The following PCGF5 variants were observed in gnomAD, a reference collection of about 807,000 sequenced individuals.
PCGF5 encodes the protein polycomb group ring finger 5, also known as polycomb group RING finger protein 5.
A neutral mutation model predicts 44.3 loss-of-function variants in PCGF5; 9 were observed. The observed-to-expected ratio is 0.20, with a 90% CI of 0.12 to 0.35. The LOEUF (loss-of-function observed/expected upper bound fraction) is 0.35, where lower values mean the gene tolerates loss of function less well. Ranked by LOEUF, PCGF5 falls within the 10% of genes least tolerant of loss-of-function variation. The pLI is 1.00. For missense variants in PCGF5, 146 were observed against 305.3 expected, an observed-to-expected ratio of 0.48 and a Z score of 3.89; for synonymous variants, 95 against 102.5, an observed-to-expected ratio of 0.93 and a Z score of 0.44.
At chr10:91,201,427 A>C (rs1442213979) in intron 1 of PCGF5, among the ~76,000 whole-genome samples, 1 of 152,194 alleles carries the variant, frequency 6.6e-6, no homozygotes, top group Non-Finnish European at 1.5e-5. Flanking sequence ...TTTGAAGATT[A>C]AGTTATCAGC....
rs1260167841 is a variant in PCGF5, at chr10:91,197,071, T to A, written c.-183-25618T>A. On this transcript the variant is annotated intron_variant, in intron 1 of 9. Coordinates refer to the PCGF5 transcript ENST00000614189. ...AGACGTGGACAAGTGAGCCAGTTAA[T>A]GGCATGTCCTGGTTGTCTAAAGCTG... is the stretch of plus-strand genomic sequence containing the variant. Among the ~76,000 whole-genome samples the A allele has an allele frequency of 2.0e-5, 3 of 152,246 alleles. No individual in the cohort carries two copies. In the East Asian group the frequency reaches 5.8e-4, roughly 29 times the overall value.
intron 1 of PCGF5, among the ~76,000 whole-genome samples, chr10:91,185,210 G>GT (rs1843898084): frequency 1.3e-5 from 2 of 152,246 alleles, no homozygotes; most frequent in South Asian, 4.1e-4. Context: ...AACACCAGTG[G>GT]GGTGGCTGGA....
intron 2 of PCGF5, 33 bp from the exon 3 acceptor site, chr10:91,240,451 T>A (rs1251116338): frequency 7.1e-7 from 1 of 1,399,552 alleles, no homozygotes; most frequent in South Asian, 1.2e-5. Context: ...GTTCATATGA[T>A]GCGTTTTAAC....
At chr10:91,171,318 G>T (rs1366011400) in intron 1 of PCGF5, among the ~76,000 whole-genome samples, 1 of 152,124 alleles carries the variant, frequency 6.6e-6, no homozygotes, top group Non-Finnish European at 1.5e-5. Flanking sequence ...AAATGGGTTG[G>T]TTTTTTTATA....
At chr10:91,273,881 T>C (rs1241754914) in intron 9 of PCGF5, among the ~76,000 whole-genome samples, 1 of 150,652 alleles carries the variant, frequency 6.6e-6, no homozygotes, top group East Asian at 1.9e-4. Context: ...TTTATACATA[T>C]ATACTCTAGG....
chr10:91,222,137 A>G (rs1030859746), intron 1 of PCGF5, among the ~76,000 whole-genome samples: 37 of 151,670 alleles, frequency 2.4e-4, no homozygotes, highest in African/African-American at 8.8e-4. Context: ...GAAGACACTG[A>G]CATTCGTTGA....
chr10:91,253,602 C>T (rs374018525), intron 6 of PCGF5, among the ~76,000 whole-genome samples: 4 of 152,164 alleles, frequency 2.6e-5, no homozygotes, highest in Non-Finnish European at 4.4e-5. Context: ...TCAAAAGCTT[C>T]GCGTCATCTT....
At chr10:91,178,376 CTTTCTTTTCT>C (rs1172357328) in intron 1 of PCGF5, among the ~76,000 whole-genome samples, 71 of 150,134 alleles carry the variant, frequency 4.7e-4, no homozygotes, top group African/African-American at 1.4e-3. Flanking sequence ...TGCTGTTTCT[CTTTCTTTTCT>C]TTTCTTTTCT....
intron 1 of PCGF5, among the ~76,000 whole-genome samples, chr10:91,164,112 A>G (rs1843449775): frequency 6.6e-6 from 1 of 151,628 alleles, no homozygotes; most frequent in African/African-American, 2.4e-5. Flanking sequence ...CATGCGGGGT[A>G]CACACACGCG....
chr10:91,215,987 A>C (rs1844532361), upstream of PCGF5, among the ~76,000 whole-genome samples: 1 of 152,238 alleles, frequency 6.6e-6, no homozygotes, highest in Admixed American at 6.5e-5. Context: ...AAGAATACAT[A>C]GGATCAGTTC....
chr10:91,231,553 T>C (rs1302594437), intron 2 of PCGF5, among the ~76,000 whole-genome samples: 2 of 152,120 alleles, frequency 1.3e-5, no homozygotes, highest in African/African-American at 4.8e-5. Flanking sequence ...TGTTGAGAAA[T>C]GACCTGAGGC....
chr10:91,212,291 A>G (rs1002519347), intron 1 of PCGF5, among the ~76,000 whole-genome samples: 4 of 152,150 alleles, frequency 2.6e-5, no homozygotes, highest in Non-Finnish European at 5.9e-5. Context: ...TAATTTCCAC[A>G]CTGTTCAAGA....
At chr10:91,226,507 G>A (rs1844844587) in intron 2 of PCGF5, among the ~76,000 whole-genome samples, 1 of 152,122 alleles carries the variant, frequency 6.6e-6, no homozygotes, top group South Asian at 2.1e-4. Context: ...GGGAGGCAGG[G>A]ATTATTAGTA....
Position 91,251,336 on chromosome 10 carries a change from G to C in PCGF5, c.370G>C (p.Asp124His). Residue 124 changes from aspartate to histidine, a missense_variant, in exon 6 of 10, where the codon GAT becomes CAT. This residue lies in a region of PCGF5 where 123 missense variants were observed against 268.6 expected (regional missense o/e 0.46). Transcript: ENST00000336126. The part of the protein sequence containing the change: ...ADKPKVDEEG[D>H]ENEDDKDYHR... The stretch of plus-strand genomic sequence containing the variant: ...CAAACCGAAAGTAGATGAAGAAGGT[G>C]ATGAAAATGAAGATGATAAAGATTA... 1 of 1,610,786 alleles carries C rather than the reference G, an allele frequency of 6.2e-7. No individual in the cohort carries two copies. Among genetic ancestry groups the C allele is most frequent in the East Asian group, 2.2e-5 (1 of 44,708 alleles).
intron 3 of PCGF5, 31 bp downstream of exon 3, chr10:91,240,611 A>G: frequency 7.1e-7 from 1 of 1,402,682 alleles, no homozygotes; most frequent in Non-Finnish European, 1.0e-6. Context: ...AGTTCATCTA[A>G]TTTACATAAA....
At chr10:91,235,267 C>A (rs1845127208) in intron 2 of PCGF5, among the ~76,000 whole-genome samples, 1 of 152,104 alleles carries the variant, frequency 6.6e-6, no homozygotes, top group African/African-American at 2.4e-5. Flanking sequence ...GATCATGATG[C>A]CCATTTAAAT....
Position 91,225,358 on chromosome 10 carries a change from A to G in PCGF5, c.112+2375A>G, listed in dbSNP as rs78141861. ...AGCAATTTAAAGCCTAAAGGGGTAA[A>G]TTAAATGACAGTTTAACTGCACATG... On this transcript the variant is annotated intron_variant, in intron 2 of 9. Coordinates refer to ENST00000336126, the MANE Select transcript of PCGF5 (RefSeq NM_032373.5). 3.1e-3 allele frequency among the ~76,000 whole-genome samples: 475 copies of G among 150,954 alleles called. 1 individual carries two copies. The highest frequency in any genetic ancestry group is 5.4e-3 in the Non-Finnish European group (366 of 67,738).
At chr10:91,171,933 C>A (rs1374088480) in intron 1 of PCGF5, among the ~76,000 whole-genome samples, 1 of 152,140 alleles carries the variant, frequency 6.6e-6, no homozygotes, top group Non-Finnish European at 1.5e-5. Flanking sequence ...ATGGAATACA[C>A]CTCCTAAAGC....
chr10:91,270,095 C>T (rs1242983576), intron 8 of PCGF5, among the ~76,000 whole-genome samples: 1 of 152,172 alleles, frequency 6.6e-6, no homozygotes, highest in African/African-American at 2.4e-5. Context: ...TTCTCTCCTC[C>T]TTCACTTAGT....
Sources: allele counts gnomAD v4.1 joint callset (sites outside exome capture counted in the v4.1 genomes callset), GRCh38; gene constraint gnomAD v4.1.1; regional missense constraint gnomAD v4.1.1; transcripts MANE v1.5; gene names NCBI Gene and HGNC (gene_info 2026-07-23, HGNC 2026-07-21).